SLC9B1: variants seen among roughly 807,000 people sequenced by gnomAD.
SLC9B1 encodes the protein solute carrier family 9 member B1, also known as sodium/hydrogen exchanger 9B1.
A neutral mutation model predicts 51.7 loss-of-function variants in SLC9B1; 32 were observed. That is an observed-to-expected ratio of 0.62 (90% CI 0.47 to 0.83). The LOEUF (loss-of-function observed/expected upper bound fraction) is 0.83. Ranked by LOEUF, SLC9B1 falls within the 40% of genes least tolerant of loss-of-function variation. The probability of loss-of-function intolerance (pLI) is 0.00; values close to 1 mark genes in which losing one functional copy is unlikely to be tolerated. For missense variants in SLC9B1, 406 were observed against 613.2 expected (o/e 0.66, Z 3.57); for synonymous variants, 145 against 212.7 (o/e 0.68, Z 2.77).
chr4:102,967,615 A>T (rs1411143756), intron 3 of SLC9B1, among the ~76,000 whole-genome samples: 1 of 152,130 alleles, frequency 6.6e-6, no homozygotes, highest in Non-Finnish European at 1.5e-5. Flanking sequence ...TCTCATGGTA[A>T]CTAATCCATT....
In SLC9B1 at chr4:102,949,418, A is replaced by C; in HGVS notation, c.221T>G (p.Leu74Arg). 6.3e-7 allele frequency: 1 copy of C among 1,584,406 alleles called. No homozygotes were observed. The highest frequency in any genetic ancestry group is 8.5e-7 in the Non-Finnish European group (1 of 1,171,144). Residue 74 changes from leucine to arginine, a missense_variant, in exon 4 of 12, where the codon CTG becomes CGG. Physicochemically the swap from Leu to Arg is moderately radical, Grantham distance 102. Transcript: ENST00000296422. ...CCAGGTCATACACCATATCACAAAC[A>C]GTATAACTCCTGAAATACAAAAAAG... ...LNVIITNGVI[L>R]FVIWCMTWSI... is the part of the protein sequence containing the mutation.
chr4:102,908,613 T>C (rs1268077819), intron 9 of SLC9B1, among the ~76,000 whole-genome samples: 2 of 152,186 alleles, frequency 1.3e-5, no homozygotes, highest in Non-Finnish European at 2.9e-5. Context: ...ACCAAAATAT[T>C]AAATGATAAT....
chr4:102,982,809 T>C (rs1405315924), intron 3 of SLC9B1, among the ~76,000 whole-genome samples: 3 of 152,132 alleles, frequency 2.0e-5, no homozygotes, highest in Non-Finnish European at 2.9e-5. Context: ...TTTTTACCGA[T>C]ACAATCATCT....
intron 7 of SLC9B1, among the ~76,000 whole-genome samples, chr4:102,913,456 C>A (rs1735435019): frequency 6.6e-6 from 1 of 152,116 alleles, no homozygotes; most frequent in Non-Finnish European, 1.5e-5. Context: ...GAACCTATAG[C>A]CATGCTGATT....
chr4:102,974,708 G>T (rs1211117650), intron 3 of SLC9B1, among the ~76,000 whole-genome samples: 1 of 152,086 alleles, frequency 6.6e-6, no homozygotes, highest in African/African-American at 2.4e-5. Context: ...TAATATGAAA[G>T]TTCTACCAAA....
intron 11 of SLC9B1, among the ~76,000 whole-genome samples, chr4:102,902,081 G>GT (rs1435370951): frequency 3.3e-5 from 5 of 152,056 alleles, no homozygotes; most frequent in African/African-American, 1.2e-4. Flanking sequence ...TGAAGTTTTC[G>GT]TTTTAGAATG....
At chr4:102,981,412 T>C (rs1739350614) in intron 3 of SLC9B1, among the ~76,000 whole-genome samples, 1 of 152,168 alleles carries the variant, frequency 6.6e-6, no homozygotes, top group Non-Finnish European at 1.5e-5. Flanking sequence ...TTTTTATTTT[T>C]GCAAGAAACT....
intron 3 of SLC9B1, 146 bp from the exon 4 acceptor site, chr4:102,949,573 T>C: frequency 2.0e-6 from 1 of 495,660 alleles, no homozygotes. Flanking sequence ...ACTAGTTTGG[T>C]GAAAGAGATA....
chr4:102,956,137 C>G (rs186357974), intron 3 of SLC9B1, among the ~76,000 whole-genome samples: 4 of 152,250 alleles, frequency 2.6e-5, no homozygotes, highest in Non-Finnish European at 5.9e-5. Flanking sequence ...CGACATTGCA[C>G]ATGTGCTGTC....
At chr4:102,915,338 A>G (rs916174006) in intron 7 of SLC9B1, among the ~76,000 whole-genome samples, 6 of 152,368 alleles carry the variant, frequency 3.9e-5, no homozygotes, top group African/African-American at 1.4e-4. Flanking sequence ...TATATGAGTG[A>G]ACATAGAATC....
Position 103,009,806 on chromosome 4 carries a change from T to G in SLC9B1, c.-2+9793A>C, listed in dbSNP as rs1360033041. 2.6e-5 allele frequency among the ~76,000 whole-genome samples: 4 copies of G among 152,192 alleles called. No individual in the cohort carries two copies. The East Asian group carries it at 7.7e-4, about 29-fold the overall frequency. On this transcript the variant is annotated intron_variant, in intron 1 of 11. Coordinates refer to ENST00000296422, the MANE Select transcript of SLC9B1 (RefSeq NM_139173.4). ...ACTCTTCTTGAGGTCAGATAAAAGA[T>G]TAACACAATTATAAACAACCACAGT...
intron 7 of SLC9B1, among the ~76,000 whole-genome samples, chr4:102,931,782 A>G (rs2110458516): frequency 6.6e-6 from 1 of 152,364 alleles, no homozygotes; most frequent in African/African-American, 2.4e-5. Flanking sequence ...ACATTTCAAA[A>G]ATGCCTATTA....
rs1484581341 is a variant in SLC9B1 at position 102,945,224 on chromosome 4, T to G, written c.622A>C (p.Lys208Gln). 1 of 1,608,392 alleles carries G rather than the reference T, an allele frequency of 6.2e-7. No individual in the cohort carries two copies. The highest frequency in any genetic ancestry group is 1.7e-5 in the Admixed American group (1 of 59,736). The change falls in exon 6 of 12, where the codon AAA becomes CAA. Residue 208 changes from lysine to glutamine, a missense_variant. By Grantham distance (53) the Lys-to-Gln change is moderately conservative. Around this residue, in one of 6 missense-constraint regions of SLC9B1, gnomAD observed 250 missense variants for 394.1 expected, o/e 0.63. Transcript: ENST00000296422. ...AGAAATGCCCATTGCCAGGGAAATTTCATAATGAAGTGTGAAAAAACAGCA... is the reference window on the plus strand; with the variant it reads ...AGAAATGCCCATTGCCAGGGAAATTGCATAATGAAGTGTGAAAAAACAGCA... ...AAAVFSHFIM[K>Q]FPWQWAFLLG...
intron 3 of SLC9B1, among the ~76,000 whole-genome samples, chr4:102,976,803 A>T (rs1392711039): frequency 6.6e-6 from 1 of 152,230 alleles, no homozygotes; most frequent in Non-Finnish European, 1.5e-5. Flanking sequence ...CATAATTGAA[A>T]CATGAAGTGT....
At chr4:102,914,074 T>C (rs1735471389) in intron 7 of SLC9B1, among the ~76,000 whole-genome samples, 2 of 151,912 alleles carry the variant, frequency 1.3e-5, no homozygotes, top group African/African-American at 4.8e-5. Flanking sequence ...GTTTTAAAGA[T>C]AATTTGGCAG....
chr4:103,015,592 T>C (rs559062111), intron 1 of SLC9B1, among the ~76,000 whole-genome samples: 101 of 152,298 alleles, frequency 6.6e-4, no homozygotes, highest in African/African-American at 2.3e-3. Flanking sequence ...CCACTCAACT[T>C]TGCCCAGCTG....
Position 103,001,102 on chromosome 4 carries a change from G to C in SLC9B1, c.-1-9390C>G, listed in dbSNP as rs149751370. On this transcript the variant is annotated intron_variant, in intron 1 of 11. Transcript: ENST00000296422. ...CCAACACCACGTGTAAGCCACCAGG[G>C]CTTGGGGTTTCACCCTCTTGAAGCA... Among the ~76,000 whole-genome samples the C allele has an allele frequency of 1.7e-3, 252 of 152,322 alleles. 1 individual carries two copies. Among genetic ancestry groups the C allele is most frequent in the African/African-American group, 5.6e-3 (231 of 41,570 alleles).
At chr4:102,977,297 TAAAA>T (rs3974480) in intron 3 of SLC9B1, among the ~76,000 whole-genome samples, 65,230 of 129,090 alleles carry the variant, frequency 0.51, 15,005 homozygotes, top group African/African-American at 0.57. Flanking sequence ...TATTATAACT[TAAAA>T]AAAAAAAAAA....
chr4:102,979,898 G>GA (rs1473652372), intron 3 of SLC9B1, among the ~76,000 whole-genome samples: 5 of 150,778 alleles, frequency 3.3e-5, no homozygotes, highest in Admixed American at 2.0e-4. Context: ...AAATTTACAA[G>GA]AAAAAAAACA....
Sources: allele counts gnomAD v4.1 joint callset (sites outside exome capture counted in the v4.1 genomes callset), GRCh38; gene constraint gnomAD v4.1.1; regional missense constraint gnomAD v4.1.1; transcripts MANE v1.5; gene names NCBI Gene and HGNC (gene_info 2026-07-23, HGNC 2026-07-21).